TFG: variants seen among roughly 807,000 people sequenced by gnomAD.
TFG encodes the protein trafficking from ER to golgi regulator, also known as protein TFG.
In TFG, 22 loss-of-function variants were observed where a neutral mutation model predicts 51.4. That is an observed-to-expected ratio of 0.43 (90% confidence interval 0.31 to 0.61). The LOEUF (loss-of-function observed/expected upper bound fraction) is 0.61, where lower values mean the gene tolerates loss of function less well. TFG is among the 20% of genes least tolerant of loss of function. The pLI, the probability that TFG is intolerant of heterozygous loss-of-function variation, is 0.12. For missense variants in TFG, 419 were observed against 487.7 expected, an observed-to-expected ratio of 0.86 and a Z score of 1.33; for synonymous variants, 187 against 165.6, an observed-to-expected ratio of 1.13 and a Z score of -0.99.
chr3:100,730,966 C>T (rs2149080960), intron 4 of TFG, among the ~76,000 whole-genome samples: 1 of 152,228 alleles, frequency 6.6e-6, no homozygotes. Context: ...AACTGGTAGA[C>T]ATGTTTTAAA....
At chr3:100,720,565 T>C (rs1015910078) in intron 3 of TFG, among the ~76,000 whole-genome samples, 4 of 152,220 alleles carry the variant, frequency 2.6e-5, no homozygotes, top group African/African-American at 9.7e-5. Context: ...ACAATAGGGT[T>C]CACACTCCTA....
At chr3:100,736,810 C>T in intron 6 of TFG, 94 bp downstream of exon 6, 3 of 1,341,028 alleles carry the variant, frequency 2.2e-6, no homozygotes, top group Admixed American at 4.7e-5. Context: ...TTTAGTCATG[C>T]CTTAAACACA....
At chr3:100,719,736 A>AT (rs1211640755) in intron 2 of TFG, among the ~76,000 whole-genome samples, 1 of 152,136 alleles carries the variant, frequency 6.6e-6, no homozygotes, top group Non-Finnish European at 1.5e-5. Flanking sequence ...CTTTAGCTGT[A>AT]TTTTTTCATG....
chr3:100,733,194 A>G (rs1349240664), intron 5 of TFG, among the ~76,000 whole-genome samples: 1 of 152,076 alleles, frequency 6.6e-6, no homozygotes, highest in African/African-American at 2.4e-5. Context: ...TAATTTCTTC[A>G]TTATTTTTTC....
At chr3:100,746,618 TAC>T (rs145559125) in intron 7 of TFG, among the ~76,000 whole-genome samples, 4,510 of 151,836 alleles carry the variant, frequency 0.03, 181 homozygotes, top group African/African-American at 0.092. Context: ...ACTATATATA[TAC>T]ACACACACAC....
intron 7 of TFG, among the ~76,000 whole-genome samples, chr3:100,746,329 C>T (rs1045038247): frequency 2.0e-5 from 3 of 151,960 alleles, no homozygotes; most frequent in East Asian, 1.9e-4. Context: ...GGGACTCAGG[C>T]GTTTGCATTT....
chr3:100,737,738 A>T (rs1451505735), intron 6 of TFG, among the ~76,000 whole-genome samples: 3 of 152,284 alleles, frequency 2.0e-5, no homozygotes, highest in African/African-American at 7.2e-5. Flanking sequence ...GAATCCTATC[A>T]TCCTGTGGTG....
intron 3 of TFG, among the ~76,000 whole-genome samples, chr3:100,722,735 TA>T (rs2095064351): frequency 6.6e-6 from 1 of 152,080 alleles, no homozygotes; most frequent in Non-Finnish European, 1.5e-5. Context: ...TTGCAAACAG[TA>T]AAGAAAAATA....
At chr3:100,747,916 A>G (rs548809582) in intron 7 of TFG, among the ~76,000 whole-genome samples, 31 of 152,292 alleles carry the variant, frequency 2.0e-4, no homozygotes, top group Non-Finnish European at 4.3e-4. Context: ...ATGCTATGTC[A>G]GGAATTTGCT....
chr3:100,736,487 T>G (rs1300733428), intron 5 of TFG, 89 bp from the exon 6 acceptor site: 1 of 1,416,762 alleles, frequency 7.1e-7, no homozygotes, highest in East Asian at 2.3e-5. Context: ...TATAGTACTT[T>G]TAGTATCTTT....
Position 100,748,163 on chromosome 3 carries a change from C to T in TFG, c.835C>T (p.Gln279Ter). 6.2e-7 allele frequency: 1 copy of T among 1,613,770 alleles called. No homozygotes were observed. The highest frequency in any genetic ancestry group is 8.5e-7 in the Non-Finnish European group (1 of 1,179,850). ...GIQYSASYSQ[Q>*]TGPQQPQQFQ... ...TGCCTTTTCAGCAAGCTATAGTCAG[C>T]AGACTGGACCTCAACAACCTCAGCA... The change falls in exon 8 of 8, where the codon CAG (glutamine) becomes TAG (stop). Residue 279 changes from glutamine (Q) to a stop codon, truncating the protein, a stop_gained. Transcript: ENST00000240851. LOFTEE classifies it high-confidence loss of function.
Position 100,725,622 on chromosome 3 carries a change from C to CAAAA in TFG, c.269-3070_269-3067dup, listed in dbSNP as rs763163559. Among the ~76,000 whole-genome samples the CAAAA allele has an allele frequency of 1.6e-4, 13 of 83,476 alleles. No individual in the cohort carries two copies. In the East Asian group the frequency reaches 1.8e-3, roughly 11 times the overall value. 54.8% of individuals were successfully genotyped at this position (83,476 alleles called of 152,430 possible). ...CGAAACTCCGTCTCTACCAAAAATACAAAAAAAAAAAAAAAAAAAAAAATT... is the reference window on the plus strand; with the variant it reads ...CGAAACTCCGTCTCTACCAAAAATACAAAAAAAAAAAAAAAAAAAAAAAAAAATT... On this transcript the variant is annotated intron_variant, in intron 3 of 7. Coordinates refer to ENST00000240851, the MANE Select transcript of TFG (RefSeq NM_006070.6).
At chr3:100,727,926 G>A (rs1292459401) in intron 3 of TFG, among the ~76,000 whole-genome samples, 1 of 152,200 alleles carries the variant, frequency 6.6e-6, no homozygotes, top group African/African-American at 2.4e-5. Flanking sequence ...TTCCCCTCCC[G>A]GGATCAAGCA....
chr3:100,731,393 T>TA (rs1166965222), intron 4 of TFG, among the ~76,000 whole-genome samples: 2 of 152,212 alleles, frequency 1.3e-5, no homozygotes, highest in East Asian at 3.8e-4. Flanking sequence ...CTTAGTATCC[T>TA]GAGAAGAAAA....
Position 100,728,804 on chromosome 3 carries a change from G to A in TFG, c.361G>A (p.Asp121Asn), listed in dbSNP as rs907540820. 5.0e-6 allele frequency: 8 copies of A among 1,611,934 alleles called. No individual in the cohort carries two copies. The African/African-American group carries it at 1.1e-4, about 22-fold the overall frequency. ...TCGAAATAAAGTGAATCGTTTATTG[G>A]ATAGCTTGGAACCACCTGGAGAACC... ...ELRNKVNRLL[D>N]SLEPPGEPGP... Residue 121 changes from aspartate to asparagine, a missense_variant, in exon 4 of 8, where the codon GAT (aspartate) becomes AAT (asparagine). By Grantham distance (23) the Asp-to-Asn change is conservative. Around this residue, in one of 3 missense-constraint regions of TFG, gnomAD observed 391 missense variants for 434.4 expected, o/e 0.90. Transcript: ENST00000240851.
chr3:100,724,362 A>G (rs2095069144), intron 3 of TFG, among the ~76,000 whole-genome samples: 1 of 152,210 alleles, frequency 6.6e-6, no homozygotes, highest in South Asian at 2.1e-4. Context: ...TGAAGTTTAT[A>G]GTAGAAACTT....
At chr3:100,732,801 AC>A (rs2095095522) in intron 5 of TFG, 129 bp downstream of exon 5, 1 of 699,258 alleles carries the variant, frequency 1.4e-6, no homozygotes, top group African/African-American at 1.8e-5. Context: ...GTTCTGCTTA[AC>A]AAATTTTTAC....
At chr3:100,743,626 G>C (rs1193272796) in intron 6 of TFG, 1 of 151,974 alleles carries the variant, frequency 6.6e-6, no homozygotes, top group African/African-American at 2.4e-5. Flanking sequence ...ACATTTGCTA[G>C]GAAATAAGCT....
chr3:100,735,864 T>C (rs76381753), intron 5 of TFG, among the ~76,000 whole-genome samples: 2,113 of 152,106 alleles, frequency 0.014, 44 homozygotes, highest in African/African-American at 0.049. Context: ...GCAGAGTCTT[T>C]AAGAGGGAAA....
Sources: allele counts gnomAD v4.1 joint callset (sites outside exome capture counted in the v4.1 genomes callset), GRCh38; gene constraint gnomAD v4.1.1; regional missense constraint gnomAD v4.1.1; transcripts MANE v1.5; gene names NCBI Gene and HGNC (gene_info 2026-07-23, HGNC 2026-07-21).